Variants in HNF4A observed in about 807,000 individuals in gnomAD.
HNF4A encodes the protein hepatocyte nuclear factor 4 alpha.
A neutral mutation model predicts 52.4 loss-of-function variants in HNF4A; 15 were observed. That is an observed-to-expected ratio of 0.29 (90% CI 0.19 to 0.44). The LOEUF (loss-of-function observed/expected upper bound fraction) is 0.44. Among genes scored for constraint, HNF4A ranks in the 20% least tolerant of loss-of-function variants. HNF4A has a pLI of 1.00. For missense variants in HNF4A, 479 were observed against 647.2 expected (o/e 0.74, Z 2.82); for synonymous variants, 280 against 264.4 (o/e 1.06, Z -0.57).
intron 5 of HNF4A, 49 bp from the exon 6 acceptor site, chr20:44,418,376 A>T: frequency 6.6e-7 from 1 of 1,506,916 alleles, no homozygotes; most frequent in Non-Finnish European, 9.2e-7. Flanking sequence ...GGCTACGGGC[A>T]GCCTTCCCAA....
intron 1 of HNF4A, among the ~76,000 whole-genome samples, chr20:44,365,155 T>C (rs576399578): frequency 6.6e-6 from 1 of 152,254 alleles, no homozygotes; most frequent in African/African-American, 2.4e-5. Context: ...AAGTATCTTT[T>C]TTTTTTGGTT....
rs1294563851 is a variant in HNF4A at position 44,432,358 on chromosome 20, T to C, written c.*2693T>C. The stretch of plus-strand genomic sequence containing the variant: ...TCTCTCGCTCTCTTTTTTTTTTTTT[T>C]TTTTTTTTTTGGCTACTTGAGTTGT... On this transcript the variant is annotated 3_prime_UTR_variant, in exon 10 of 10. Coordinates refer to ENST00000316099, the MANE Select transcript of HNF4A (RefSeq NM_000457.6). The C allele has an allele frequency of 6.9e-6, 1 of 144,286 alleles. No homozygotes were observed. The highest frequency in any genetic ancestry group is 2.6e-5 in the African/African-American group (1 of 38,940). 8.9% of individuals were successfully genotyped at this position (144,286 alleles called of 1,614,324 possible).
chr20:44,407,076 T>C (rs1203469927), intron 2 of HNF4A, among the ~76,000 whole-genome samples: 1 of 152,156 alleles, frequency 6.6e-6, no homozygotes, highest in Non-Finnish European at 1.5e-5. Context: ...GTGGTGGAAA[T>C]AGCAGGGCTC....
At chr20:44,386,884 T>C (rs2146279607) in intron 1 of HNF4A, among the ~76,000 whole-genome samples, 1 of 152,348 alleles carries the variant, frequency 6.6e-6, no homozygotes, top group Non-Finnish European at 1.5e-5. Flanking sequence ...TTCTACTATA[T>C]GCATAGAATC....
intron 8 of HNF4A, among the ~76,000 whole-genome samples, chr20:44,426,574 C>A (rs557842065): frequency 1.9e-4 from 29 of 151,986 alleles, no homozygotes; most frequent in Admixed American, 1.6e-3. Context: ...GAGGCCGAGG[C>A]GGGTGGATCA....
At chr20:44,395,007 TC>T (rs1222475223) in intron 1 of HNF4A, among the ~76,000 whole-genome samples, 2 of 152,046 alleles carry the variant, frequency 1.3e-5, no homozygotes, top group Non-Finnish European at 2.9e-5. Flanking sequence ...AGCCCCAAGC[TC>T]CCTCATCTTC....
intron 5 of HNF4A, among the ~76,000 whole-genome samples, chr20:44,416,105 G>C (rs539160324): frequency 6.6e-6 from 1 of 152,228 alleles, no homozygotes; most frequent in East Asian, 1.9e-4. Context: ...AATAACACAG[G>C]ACAATCATTA....
At chr20:44,373,637 T>C (rs1381669775) in intron 1 of HNF4A, among the ~76,000 whole-genome samples, 1 of 152,126 alleles carries the variant, frequency 6.6e-6, no homozygotes, top group Non-Finnish European at 1.5e-5. Flanking sequence ...ACATGAGGTG[T>C]TATGGCTGGG....
intron 1 of HNF4A, among the ~76,000 whole-genome samples, chr20:44,367,081 A>C (rs992150670): frequency 9.2e-5 from 14 of 152,198 alleles, no homozygotes; most frequent in African/African-American, 3.4e-4. Context: ...CACGCCTGTA[A>C]TCCCAACACT....
intron 1 of HNF4A, among the ~76,000 whole-genome samples, chr20:44,382,225 C>T (rs1266329261): frequency 8.7e-6 from 1 of 114,626 alleles, no homozygotes; most frequent in Non-Finnish European, 1.9e-5. Flanking sequence ...AGGGGCATAG[C>T]TTTCTTTCTT....
At chr20:44,387,464 G>A (rs1053934562) in intron 1 of HNF4A, among the ~76,000 whole-genome samples, 16 of 151,264 alleles carry the variant, frequency 1.1e-4, no homozygotes, top group Non-Finnish European at 2.4e-4. Context: ...AAACAAGGGC[G>A]TGCATGGCCT....
intron 1 of HNF4A, among the ~76,000 whole-genome samples, chr20:44,360,866 G>C (rs886522712): frequency 3.9e-5 from 6 of 152,084 alleles, no homozygotes; most frequent in Non-Finnish European, 8.8e-5. Context: ...CACTTCTCTG[G>C]TCCTCAGTTT....
intron 1 of HNF4A, among the ~76,000 whole-genome samples, chr20:44,368,690 G>A (rs548618865): frequency 2.0e-5 from 3 of 152,224 alleles, no homozygotes; most frequent in African/African-American, 7.2e-5. Flanking sequence ...TAATGATATT[G>A]ACCAAAGCTA....
intron 5 of HNF4A, 84 bp from the exon 6 acceptor site, chr20:44,418,341 C>A: frequency 9.4e-7 from 1 of 1,063,216 alleles, no homozygotes. Flanking sequence ...GAGCATTAAG[C>A]TGACTTGCCC....
At chr20:44,413,617 T>A in intron 3 of HNF4A, 77 bp from the exon 4 acceptor site, 1 of 950,290 alleles carries the variant, frequency 1.1e-6, no homozygotes, top group Non-Finnish European at 1.7e-6. Flanking sequence ...CTGCTCCCAC[T>A]CCTCATCAGT....
chr20:44,381,802 G>T (rs906255249), intron 1 of HNF4A, among the ~76,000 whole-genome samples: 1 of 152,000 alleles, frequency 6.6e-6, no homozygotes, highest in African/African-American at 2.4e-5. Flanking sequence ...GTAGAGACAG[G>T]GTTTCACCAT....
chr20:44,369,516 G>A (rs780357202), intron 1 of HNF4A, among the ~76,000 whole-genome samples: 18 of 152,060 alleles, frequency 1.2e-4, no homozygotes, highest in African/African-American at 4.1e-4. Context: ...AATCTCAAAT[G>A]TACCTGGAAA....
intron 1 of HNF4A, among the ~76,000 whole-genome samples, chr20:44,379,590 C>T (rs968856639): frequency 2.6e-5 from 4 of 151,926 alleles, no homozygotes; most frequent in Admixed American, 6.6e-5. Context: ...CTTGCTCTGT[C>T]GCCCAGGCTG....
At chr20:44,368,920 TC>T (rs2063000996) in intron 1 of HNF4A, among the ~76,000 whole-genome samples, 1 of 152,130 alleles carries the variant, frequency 6.6e-6, no homozygotes, top group Non-Finnish European at 1.5e-5. Flanking sequence ...AGTCTTGATT[TC>T]TTGAGAAGTC....
Sources: allele counts gnomAD v4.1 joint callset (sites outside exome capture counted in the v4.1 genomes callset), GRCh38; gene constraint gnomAD v4.1.1; transcripts MANE v1.5; gene names NCBI Gene and HGNC (gene_info 2026-07-23, HGNC 2026-07-21).